The following ACAD11 variants were observed in gnomAD, a reference collection of about 807,000 sequenced individuals.
ACAD11 encodes the protein acyl-CoA dehydrogenase family member 11, also known as acyl-Coenzyme A dehydrogenase family, member 11.
Under a neutral mutation model 102.2 loss-of-function variants are expected in ACAD11, and 83 were observed. That is an observed-to-expected ratio of 0.81 (90% CI 0.68 to 0.97). ACAD11 has a LOEUF of 0.97. Ranked by LOEUF, ACAD11 falls within the 50% of genes least tolerant of loss-of-function variation. ACAD11 has a pLI of 0.00. For synonymous variants in ACAD11, 324 were observed against 319.8 expected (o/e 1.01, Z -0.14); for missense variants, 901 against 951.7 (o/e 0.95, Z 0.70).
chr3:132,609,018 G>GAAC (rs1392660820), intron 11 of ACAD11, among the ~76,000 whole-genome samples: 1 of 152,158 alleles, frequency 6.6e-6, no homozygotes, highest in East Asian at 1.9e-4. Context: ...TATGATAACT[G>GAAC]AACAACCTGC....
chr3:132,656,382 C>G (rs1317273588), intron 1 of ACAD11, among the ~76,000 whole-genome samples: 1 of 152,162 alleles, frequency 6.6e-6, no homozygotes, highest in Non-Finnish European at 1.5e-5. Flanking sequence ...TGTGTATCTT[C>G]CCAACTTCAT....
chr3:132,578,933 A>G, intron 14 of ACAD11, 52 bp from the exon 15 acceptor site: 1 of 1,606,172 alleles, frequency 6.2e-7, no homozygotes, highest in South Asian at 1.1e-5. Flanking sequence ...AGAAAAATAA[A>G]ACAGATAATA....
intron 1 of ACAD11, among the ~76,000 whole-genome samples, chr3:132,656,595 G>A (rs1937817797): frequency 2.0e-5 from 3 of 151,602 alleles, no homozygotes; most frequent in Non-Finnish European, 2.9e-5. Flanking sequence ...CCAGGTTCAA[G>A]CAATTCTCCT....
chr3:132,645,330 C>T (rs1275203724), intron 1 of ACAD11, among the ~76,000 whole-genome samples: 1 of 152,148 alleles, frequency 6.6e-6, no homozygotes, highest in Non-Finnish European at 1.5e-5. Flanking sequence ...AGAGATAACC[C>T]TCATAAGTGT....
chr3:132,572,980 G>A (rs928773026), intron 17 of ACAD11, among the ~76,000 whole-genome samples: 3 of 152,048 alleles, frequency 2.0e-5, no homozygotes, highest in Non-Finnish European at 4.4e-5. Context: ...TGTTACATAG[G>A]TATACAGGTG....
At chr3:132,632,287 A>T (rs1940079252) in intron 5 of ACAD11, among the ~76,000 whole-genome samples, 1 of 151,988 alleles carries the variant, frequency 6.6e-6, no homozygotes, top group African/African-American at 2.4e-5. Context: ...GGGTTTCACC[A>T]TGTTCGCCAG....
intron 13 of ACAD11, among the ~76,000 whole-genome samples, chr3:132,586,932 A>AATTACAAATACAAAATTT (rs1937864704): frequency 1.3e-5 from 2 of 152,130 alleles, no homozygotes; most frequent in African/African-American, 4.8e-5. Context: ...GTCTCTACTA[A>AATTACAAATACAAAATTT]AAATACAAAA....
At position 132,659,557 on chromosome 3, in the gene ACAD11, A is replaced by G. The variant is rs148570290; in HGVS notation, c.149+46T>C. ...CCCAGGGCCAAAGGAAGGAAAACTC[A>G]ATGTACAAATTTTTTTCCGCTGGAG... On this transcript the variant is annotated intron_variant, in intron 1 of 19. Transcript: ENST00000264990. The G allele has an allele frequency of 8.6e-4, 1,382 of 1,606,948 alleles. 13 individuals are homozygous for G. In the African/African-American group the frequency reaches 0.017, roughly 20 times the overall value.
At chr3:132,605,055 G>T (rs1212751968) in intron 12 of ACAD11, 43 bp downstream of exon 12, 1 of 1,470,382 alleles carries the variant, frequency 6.8e-7, no homozygotes, top group Admixed American at 1.7e-5. Flanking sequence ...AATAACTCCG[G>T]GACGACTGAC....
At chr3:132,609,290 C>T (rs1284557218) in intron 11 of ACAD11, among the ~76,000 whole-genome samples, 1 of 152,064 alleles carries the variant, frequency 6.6e-6, no homozygotes, top group East Asian at 1.9e-4. Context: ...TAACCAAGAT[C>T]AGAGCAGAAC....
Position 132,579,700 on chromosome 3 carries a change from C to A in ACAD11, c.1622-142G>T, listed in dbSNP as rs1045179755. ...TTCCTGATTCATTAAGATAATAATT[C>A]TTTTGTAACACTCTATATCATCCAA... On this transcript the variant is annotated intron_variant, in intron 13 of 19. Coordinates refer to ENST00000264990, the MANE Select transcript of ACAD11 (RefSeq NM_032169.5). 6.3e-6 allele frequency: 4 copies of A among 636,170 alleles called. No individual in the cohort carries two copies. The East Asian group carries it at 8.7e-5, about 14-fold the overall frequency. The allele number at this position is 636,170 out of a possible 1,614,324, so 39.4% of individuals were successfully genotyped here.
At chr3:132,568,801 C>CAAAAAA (rs755568917) in intron 17 of ACAD11, among the ~76,000 whole-genome samples, 8 of 68,674 alleles carry the variant, frequency 1.2e-4, no homozygotes, top group South Asian at 4.7e-4. Flanking sequence ...CATCCACAGG[C>CAAAAAA]AAAAAAAAAA....
At chr3:132,583,059 C>T (rs559794562) in intron 13 of ACAD11, among the ~76,000 whole-genome samples, 3 of 152,100 alleles carry the variant, frequency 2.0e-5, no homozygotes, top group Non-Finnish European at 2.9e-5. Context: ...ATGATGCTGG[C>T]CTCATAAAAT....
intron 1 of ACAD11, among the ~76,000 whole-genome samples, chr3:132,656,057 C>A (rs1345847565): frequency 6.6e-6 from 1 of 152,126 alleles, no homozygotes; most frequent in Non-Finnish European, 1.5e-5. Context: ...GAGTGACTAC[C>A]ATTCTGAATT....
chr3:132,610,916 A>G (rs1939106882), intron 11 of ACAD11, among the ~76,000 whole-genome samples: 1 of 152,146 alleles, frequency 6.6e-6, no homozygotes, highest in African/African-American at 2.4e-5. Context: ...CAGAGACACA[A>G]TAAAAAAAGA....
chr3:132,562,063 A>G (rs1296462254), intron 17 of ACAD11, among the ~76,000 whole-genome samples: 1 of 152,148 alleles, frequency 6.6e-6, no homozygotes, highest in Non-Finnish European at 1.5e-5. Flanking sequence ...TGGTTTATCC[A>G]TTTGCCTGTT....
intron 9 of ACAD11, among the ~76,000 whole-genome samples, chr3:132,623,339 T>G (rs965244541): frequency 6.6e-6 from 1 of 152,196 alleles, no homozygotes; most frequent in Non-Finnish European, 1.5e-5. Context: ...TTAGTTATAA[T>G]AATGTTGGAT....
intron 14 of ACAD11, chr3:132,579,146 T>TAA: frequency 9.0e-7 from 1 of 1,107,742 alleles, no homozygotes; most frequent in South Asian, 1.6e-5. Context: ...CTTATATATA[T>TAA]AATTAAACAT....
intron 13 of ACAD11, among the ~76,000 whole-genome samples, chr3:132,583,044 T>A (rs1488587634): frequency 6.6e-6 from 1 of 152,210 alleles, no homozygotes. Context: ...GGCTTTGGTA[T>A]CAGGATGATG....
Sources: gnomAD v4.1 joint callset for allele counts (sites outside exome capture counted in the v4.1 genomes callset) on GRCh38, gnomAD v4.1.1 for gene constraint, MANE v1.5 for transcripts, NCBI Gene and HGNC (gene_info 2026-07-23, HGNC 2026-07-21) for gene names.